KLHL29: variants seen among roughly 807,000 people sequenced by gnomAD.
KLHL29 encodes the protein kelch-like protein 29.
KLHL29 carries 21 observed loss-of-function variants against 80.4 expected under a neutral mutation model. The ratio of observed to expected loss-of-function variants is 0.26; its 90% CI spans 0.19 to 0.38. KLHL29 has a LOEUF of 0.38. KLHL29 is among the 10% of genes least tolerant of loss of function. The pLI, the probability that KLHL29 is intolerant of heterozygous loss-of-function variation, is 1.00. For missense variants in KLHL29, 867 were observed against 1,223.9 expected (o/e 0.71, Z 4.35); for synonymous variants, 511 against 526.8 (o/e 0.97, Z 0.41).
intron 5 of KLHL29, among the ~76,000 whole-genome samples, chr2:23,664,826 G>A (rs186211612): frequency 1.1e-3 from 164 of 151,924 alleles, no homozygotes; most frequent in South Asian, 2.5e-3. Flanking sequence ...AGGAGGCTCC[G>A]GGGCCAATCA....
intron 5 of KLHL29, among the ~76,000 whole-genome samples, chr2:23,657,884 G>A (rs894458687): frequency 6.6e-6 from 1 of 152,206 alleles, no homozygotes; most frequent in Non-Finnish European, 1.5e-5. Context: ...GGCTGAAGGT[G>A]GATGCTTTGG....
chr2:23,531,583 C>A (rs886080875), intron 2 of KLHL29, among the ~76,000 whole-genome samples: 1 of 152,192 alleles, frequency 6.6e-6, no homozygotes, highest in Non-Finnish European at 1.5e-5. Context: ...TATTCCGGAA[C>A]TTTCCCTAGA....
rs1184501540 is a variant in KLHL29, at chr2:23,684,556, T to G, written c.1079+19T>G. Reference sequence around the variant, plus strand: ...TTCAAAGGTTTGCCTTCCTTCCAGCTGTGGTCGGGTCTGTTCCTTTGTAGG... The same window carrying G: ...TTCAAAGGTTTGCCTTCCTTCCAGCGGTGGTCGGGTCTGTTCCTTTGTAGG... On this transcript the variant is annotated intron_variant, in intron 6 of 13. Coordinates refer to ENST00000486442, the MANE Select transcript of KLHL29 (RefSeq NM_052920.2). The surrounding 1 kb of genome is among the most constrained non-coding windows in gnomAD (Gnocchi z 4.4). 1.3e-6 allele frequency: 2 copies of G among 1,541,868 alleles called. No individual in the cohort carries two copies. Among genetic ancestry groups the G allele is most frequent in the South Asian group, 2.4e-5 (2 of 81,856 alleles).
At position 23,452,902 on chromosome 2, in the gene KLHL29, A is replaced by AC. The variant is rs200681873; in HGVS notation, c.-153-22651dup. On this transcript the variant is annotated intron_variant, in intron 1 of 13. Transcript: ENST00000486442. ...TGTTGAGGGACTCTGAAGACTGGTC[A>AC]CCCCCCCGCCCACACACACACACAC... Among the ~76,000 whole-genome samples the AC allele has an allele frequency of 1.4e-3, 197 of 137,292 alleles. 1 individual carries two copies. Among genetic ancestry groups the AC allele is most frequent in the Non-Finnish European group, 2.1e-3 (139 of 65,986 alleles). 90.1% of individuals were successfully genotyped at this position (137,292 alleles called of 152,430 possible).
intron 2 of KLHL29, among the ~76,000 whole-genome samples, chr2:23,561,661 C>T (rs1013021730): frequency 6.6e-6 from 1 of 152,174 alleles, no homozygotes; most frequent in African/African-American, 2.4e-5. Flanking sequence ...CATCCATGCC[C>T]TGCCGCCTCA....
intron 2 of KLHL29, among the ~76,000 whole-genome samples, chr2:23,486,707 C>A (rs1458575722): frequency 6.6e-6 from 1 of 152,178 alleles, no homozygotes; most frequent in East Asian, 1.9e-4. Context: ...TTGATGAGGG[C>A]GAGCACAGCT....
chr2:23,450,938 T>C (rs1380574838), intron 1 of KLHL29, among the ~76,000 whole-genome samples: 2 of 152,202 alleles, frequency 1.3e-5, no homozygotes, highest in African/African-American at 4.8e-5. Flanking sequence ...CACTAATCTA[T>C]TGTTTTTTTC....
In KLHL29 at chr2:23,404,207, C is replaced by T. The variant is rs185069785; in HGVS notation, c.-154+18427C>T. 9.4e-4 allele frequency among the ~76,000 whole-genome samples: 143 copies of T among 151,970 alleles called. 1 individual carries two copies. The highest frequency in any genetic ancestry group is 1.4e-3 in the Admixed American group (22 of 15,260). ...AATTTTATTATTTTCAATTGCTGCC[C>T]GTCAATCTCAGGTGATGGTTCCCTG... On this transcript the variant is annotated intron_variant, in intron 1 of 13. Coordinates refer to ENST00000486442, the MANE Select transcript of KLHL29 (RefSeq NM_052920.2).
chr2:23,629,003 G>A (rs189675815), intron 3 of KLHL29, among the ~76,000 whole-genome samples: 6 of 152,342 alleles, frequency 3.9e-5, no homozygotes, highest in African/African-American at 1.2e-4. Context: ...CTGGCGACAC[G>A]ATTGGAGAGG....
chr2:23,542,678 G>A (rs1666868658), intron 2 of KLHL29, among the ~76,000 whole-genome samples: 1 of 152,348 alleles, frequency 6.6e-6, no homozygotes, highest in East Asian at 1.9e-4. Context: ...AGGCCAGAGA[G>A]AGATCGTTCT....
chr2:23,590,055 C>T (rs370114407), intron 3 of KLHL29, among the ~76,000 whole-genome samples: 75 of 152,322 alleles, frequency 4.9e-4, no homozygotes, highest in African/African-American at 1.6e-3. Context: ...GCTGGAAGGC[C>T]CAGTGTTCAG....
intron 5 of KLHL29, among the ~76,000 whole-genome samples, chr2:23,675,776 C>T (rs556786249): frequency 2.1e-4 from 32 of 152,194 alleles, no homozygotes; most frequent in Non-Finnish European, 4.3e-4. Flanking sequence ...AGGGTTATCG[C>T]CGTTATTAGC....
chr2:23,661,680 G>A (rs1670412975), intron 5 of KLHL29, among the ~76,000 whole-genome samples: 1 of 152,258 alleles, frequency 6.6e-6, no homozygotes, highest in South Asian at 2.1e-4. Context: ...ACTTGTCCTG[G>A]GAAGAATCTC....
At chr2:23,405,168 G>A (rs1023167460) in intron 1 of KLHL29, among the ~76,000 whole-genome samples, 2 of 152,202 alleles carry the variant, frequency 1.3e-5, no homozygotes, top group African/African-American at 2.4e-5. Context: ...CTTCTCTCAT[G>A]CATAACAAAT....
chr2:23,420,743 T>C (rs1572498569), intron 1 of KLHL29, among the ~76,000 whole-genome samples: 1 of 152,180 alleles, frequency 6.6e-6, no homozygotes, highest in Non-Finnish European at 1.5e-5. Flanking sequence ...CCATCTCTGC[T>C]CCCAGCCACG....
intron 2 of KLHL29, among the ~76,000 whole-genome samples, chr2:23,547,170 C>G (rs550785352): frequency 6.6e-6 from 1 of 152,304 alleles, no homozygotes; most frequent in East Asian, 1.9e-4. Context: ...CACACCTTGC[C>G]CTTGTGCTCC....
At chr2:23,563,698 T>C (rs1215115867) in intron 3 of KLHL29, among the ~76,000 whole-genome samples, 1 of 152,200 alleles carries the variant, frequency 6.6e-6, no homozygotes, top group Middle Eastern at 3.2e-3. Flanking sequence ...CTGCTTCCCA[T>C]TAATAACTGT....
chr2:23,468,574 A>G (rs1287299552), intron 1 of KLHL29, among the ~76,000 whole-genome samples: 2 of 152,102 alleles, frequency 1.3e-5, no homozygotes, highest in Non-Finnish European at 2.9e-5. Context: ...CAGCAGCTAT[A>G]TCTGTGGACC....
At chr2:23,414,482 G>A (rs890190956) in intron 1 of KLHL29, among the ~76,000 whole-genome samples, 2 of 152,256 alleles carry the variant, frequency 1.3e-5, no homozygotes, top group Non-Finnish European at 2.9e-5. Context: ...GGAAGCAGGT[G>A]TGGAGTGGGT....
Sources: gnomAD v4.1 joint callset for allele counts (sites outside exome capture counted in the v4.1 genomes callset) on GRCh38, gnomAD v4.1.1 for gene constraint, Gnocchi (gnomAD v3.1) non-coding constraint, MANE v1.5 for transcripts, NCBI Gene and HGNC (gene_info 2026-07-23, HGNC 2026-07-21) for gene names.